The following CNTNAP5 variants were observed in gnomAD, a reference collection of about 807,000 sequenced individuals.
The protein encoded by CNTNAP5 is contactin associated protein family member 5, also known as contactin-associated protein-like 5.
Under a neutral mutation model 150.2 loss-of-function variants are expected in CNTNAP5, and 72 were observed. The ratio of observed to expected loss-of-function variants is 0.48; its 90% CI spans 0.40 to 0.58. The LOEUF is 0.58. CNTNAP5 is among the 20% of genes least tolerant of loss of function. The pLI is 0.00. For synonymous variants in CNTNAP5, 672 were observed against 619.8 expected, an observed-to-expected ratio of 1.08 and a Z score of -1.25; for missense variants, 1,636 against 1,626.2, an observed-to-expected ratio of 1.01 and a Z score of -0.10.
chr2:124,713,279 T>TTCTC (rs1377172529), intron 13 of CNTNAP5, among the ~76,000 whole-genome samples: 1 of 128,322 alleles, frequency 7.8e-6, no homozygotes, highest in African/African-American at 2.7e-5. Flanking sequence ...CTTTCTTTCT[T>TTCTC]TCTTTCTTTC....
intron 10 of CNTNAP5, among the ~76,000 whole-genome samples, chr2:124,539,733 G>C (rs1277135226): frequency 6.6e-6 from 1 of 152,204 alleles, no homozygotes; most frequent in Non-Finnish European, 1.5e-5. Context: ...ATGGGGTTCT[G>C]TGTATATCAG....
At chr2:124,780,198 C>T (rs530872139) in intron 17 of CNTNAP5, among the ~76,000 whole-genome samples, 1 of 152,220 alleles carries the variant, frequency 6.6e-6, no homozygotes. Flanking sequence ...AATGGATGTC[C>T]CTGTTCCACT....
At chr2:124,808,706 G>T (rs1220074355) in intron 19 of CNTNAP5, among the ~76,000 whole-genome samples, 1 of 152,140 alleles carries the variant, frequency 6.6e-6, no homozygotes, top group Non-Finnish European at 1.5e-5. Flanking sequence ...TGAACTCACT[G>T]TGGGAAATTG....
At chr2:124,743,263 T>C (rs951815643) in intron 13 of CNTNAP5, among the ~76,000 whole-genome samples, 1 of 152,216 alleles carries the variant, frequency 6.6e-6, no homozygotes, top group Non-Finnish European at 1.5e-5. Context: ...ATTTAAAATA[T>C]TGATCCATTA....
chr2:124,110,311 T>C (rs1214072798), intron 1 of CNTNAP5, among the ~76,000 whole-genome samples: 1 of 152,178 alleles, frequency 6.6e-6, no homozygotes, highest in Non-Finnish European at 1.5e-5. Context: ...AAACACTGAC[T>C]GTAGATTCCA....
chr2:124,322,049 C>T (rs577228192), intron 3 of CNTNAP5, among the ~76,000 whole-genome samples: 1 of 152,120 alleles, frequency 6.6e-6, no homozygotes, highest in South Asian at 2.1e-4. Flanking sequence ...ACTTGGGAGA[C>T]TGAGGCAGGA....
At chr2:124,301,773 A>C (rs1688571674) in intron 3 of CNTNAP5, among the ~76,000 whole-genome samples, 1 of 152,142 alleles carries the variant, frequency 6.6e-6, no homozygotes. Context: ...TAATTTCTGG[A>C]TCCACCTTAA....
intron 19 of CNTNAP5, among the ~76,000 whole-genome samples, chr2:124,811,305 G>A (rs1682213336): frequency 6.6e-6 from 1 of 152,098 alleles, no homozygotes; most frequent in Admixed American, 6.6e-5. Flanking sequence ...TAAAATAACT[G>A]CATGTGAGGA....
intron 13 of CNTNAP5, among the ~76,000 whole-genome samples, chr2:124,743,156 C>T (rs561873349): frequency 1.3e-5 from 2 of 152,254 alleles, no homozygotes; most frequent in South Asian, 2.1e-4. Flanking sequence ...GCCCTGCTCA[C>T]CAGATTTCAT....
intron 13 of CNTNAP5, among the ~76,000 whole-genome samples, chr2:124,738,259 A>G (rs1680428113): frequency 6.6e-6 from 1 of 152,198 alleles, no homozygotes; most frequent in African/African-American, 2.4e-5. Context: ...TTCACTCTGC[A>G]TTTGAAAACT....
intron 18 of CNTNAP5, among the ~76,000 whole-genome samples, chr2:124,792,581 T>C: frequency 6.6e-6 from 1 of 152,196 alleles, no homozygotes; most frequent in African/African-American, 2.4e-5. Context: ...AATTCAGTGA[T>C]GTTTAGGATA....
intron 3 of CNTNAP5, among the ~76,000 whole-genome samples, chr2:124,398,599 C>A (rs376898566): frequency 2.0e-5 from 3 of 152,086 alleles, no homozygotes; most frequent in Admixed American, 2.0e-4. Context: ...CAGGTTCAAG[C>A]GATTCTCCTG....
intron 1 of CNTNAP5, among the ~76,000 whole-genome samples, chr2:124,160,865 T>G (rs752961943): frequency 1.3e-5 from 2 of 152,194 alleles, no homozygotes; most frequent in Non-Finnish European, 2.9e-5. Context: ...CTATGGAAAT[T>G]CATGGCCAAA....
At chr2:124,713,297 CTTTCTTCTTTCTCTTTCT>C (rs1679862332) in intron 13 of CNTNAP5, among the ~76,000 whole-genome samples, 2 of 102,700 alleles carry the variant, frequency 1.9e-5, no homozygotes, top group African/African-American at 6.9e-5. Context: ...TTCTTTCTTT[CTTTCTTCTTTCTCTTTCT>C]TTCCTTTCTT....
At chr2:124,575,170 C>T (rs1012364446) in intron 11 of CNTNAP5, among the ~76,000 whole-genome samples, 3 of 152,174 alleles carry the variant, frequency 2.0e-5, no homozygotes, top group Non-Finnish European at 4.4e-5. Flanking sequence ...AGCCCAAGGA[C>T]ATTCAGGTAC....
intron 3 of CNTNAP5, among the ~76,000 whole-genome samples, chr2:124,264,811 C>A (rs1001842341): frequency 1.3e-5 from 2 of 152,190 alleles, no homozygotes; most frequent in African/African-American, 4.8e-5. Flanking sequence ...TATTTGTGTT[C>A]TTCATTGGAC....
intron 3 of CNTNAP5, among the ~76,000 whole-genome samples, chr2:124,256,914 G>A (rs1394931597): frequency 6.6e-6 from 1 of 152,106 alleles, no homozygotes; most frequent in East Asian, 1.9e-4. Flanking sequence ...AAGTACTTAA[G>A]GATCTAAAGG....
intron 13 of CNTNAP5, among the ~76,000 whole-genome samples, chr2:124,671,922 G>A (rs2105058327): frequency 6.6e-6 from 1 of 152,260 alleles, no homozygotes; most frequent in South Asian, 2.1e-4. Flanking sequence ...TTACAGGCAT[G>A]AGCCACCATA....
Position 124,506,212 on chromosome 2 carries a change from G to T in CNTNAP5, c.1327+1656G>T, listed in dbSNP as rs185391882. On this transcript the variant is annotated intron_variant, in intron 8 of 23. Coordinates refer to ENST00000682447, the MANE Select transcript of CNTNAP5 (RefSeq NM_001367498.1). Reference sequence around the variant, plus strand: ...TAAAGAAAAAAAAAAAAAAAAAGAGGCAGTTTCTATGTTGTTTATCAGAAA... The same window carrying T: ...TAAAGAAAAAAAAAAAAAAAAAGAGTCAGTTTCTATGTTGTTTATCAGAAA... Among the ~76,000 whole-genome samples, 28 of 145,896 alleles carry T rather than the reference G, an allele frequency of 1.9e-4. No individual in the cohort carries two copies. In the South Asian group the frequency reaches 3.9e-3, roughly 20 times the overall value.
Sources: allele counts gnomAD v4.1 joint callset (sites outside exome capture counted in the v4.1 genomes callset), GRCh38; gene constraint gnomAD v4.1.1; transcripts MANE v1.5; gene names NCBI Gene and HGNC (gene_info 2026-07-23, HGNC 2026-07-21).